TMEM131L: variants seen among roughly 807,000 people sequenced by gnomAD.
TMEM131L encodes the protein transmembrane protein 131-like.
TMEM131L carries 54 observed loss-of-function variants against 192.2 expected under a neutral mutation model. The observed-to-expected ratio is 0.28, with a 90% confidence interval of 0.23 to 0.35. TMEM131L has a LOEUF of 0.35. Ranked by LOEUF, TMEM131L falls within the 10% of genes least tolerant of loss-of-function variation. The pLI, the probability that TMEM131L is intolerant of heterozygous loss-of-function variation, is 1.00. For missense variants in TMEM131L, 1,888 were observed against 1,972.9 expected, an observed-to-expected ratio of 0.96 and a Z score of 0.82; for synonymous variants, 701 against 704.9, an observed-to-expected ratio of 0.99 and a Z score of 0.09.
chr4:153,585,485 C>A lies in TMEM131L; in HGVS notation c.1185C>A (p.Thr395=). The stretch of plus-strand genomic sequence containing the variant: ...ATTTTAGAATGGACTCTTCTGCAAC[C>A]CAGTTTCACATAGAGACTCATGAGA... ...QGYFRMDSSA[T]QFHIETHENT... is the part of the protein sequence containing the mutation. Residue 395 remains threonine, a synonymous_variant, in exon 13 of 35, where the codon ACC becomes ACA. Coordinates refer to ENST00000409959, the MANE Select transcript of TMEM131L (RefSeq NM_001131007.2). 6.2e-7 allele frequency: 1 copy of A among 1,614,020 alleles called. No individual in the cohort carries two copies. The highest frequency in any genetic ancestry group is 1.1e-5 in the South Asian group (1 of 91,068).
At chr4:153,511,652 A>G (rs762800541) in intron 3 of TMEM131L, among the ~76,000 whole-genome samples, 3 of 152,210 alleles carry the variant, frequency 2.0e-5, no homozygotes, top group Non-Finnish European at 4.4e-5. Context: ...GAAAAAATAC[A>G]AAACCTTTTT....
chr4:153,537,884 T>C (rs775356583), intron 3 of TMEM131L, among the ~76,000 whole-genome samples: 8 of 152,214 alleles, frequency 5.3e-5, no homozygotes, highest in African/African-American at 1.7e-4. Context: ...TGCTGTGTTA[T>C]ATCTGATGGA....
chr4:153,557,416 G>A (rs562922375), intron 6 of TMEM131L, among the ~76,000 whole-genome samples: 2 of 152,312 alleles, frequency 1.3e-5, no homozygotes, highest in Admixed American at 6.5e-5. Context: ...GCGTTCAGAA[G>A]GAGGTGCTCT....
chr4:153,543,258 T>C (rs1736928424), intron 3 of TMEM131L, among the ~76,000 whole-genome samples: 1 of 152,244 alleles, frequency 6.6e-6, no homozygotes, highest in Admixed American at 6.5e-5. Context: ...AGTAGTTAAT[T>C]GACTGGTAAG....
At chr4:153,483,161 G>A (rs911622307) in intron 3 of TMEM131L, among the ~76,000 whole-genome samples, 9 of 152,142 alleles carry the variant, frequency 5.9e-5, no homozygotes, top group Non-Finnish European at 1.3e-4. Flanking sequence ...GATATTATAC[G>A]TAAATGTAGT....
At chr4:153,620,076 A>C (rs1166762894) in intron 26 of TMEM131L, among the ~76,000 whole-genome samples, 8 of 152,214 alleles carry the variant, frequency 5.3e-5, no homozygotes, top group African/African-American at 1.9e-4. Flanking sequence ...GACTTGAGCT[A>C]CTTCATAGTT....
chr4:153,480,428 GAGA>G (rs1328015140), intron 3 of TMEM131L, among the ~76,000 whole-genome samples: 4 of 149,264 alleles, frequency 2.7e-5, no homozygotes, highest in African/African-American at 7.4e-5. Flanking sequence ...GCTGAGGCAG[GAGA>G]AGTGCTTGAA....
At chr4:153,546,027 C>T (rs930231891) in intron 3 of TMEM131L, among the ~76,000 whole-genome samples, 18 of 151,952 alleles carry the variant, frequency 1.2e-4, no homozygotes, top group African/African-American at 4.4e-4. Context: ...GGACTACCAG[C>T]GTGTGCCACT....
At chr4:153,597,464 A>G (rs1305741623) in intron 20 of TMEM131L, among the ~76,000 whole-genome samples, 1 of 152,178 alleles carries the variant, frequency 6.6e-6, no homozygotes, top group East Asian at 1.9e-4. Flanking sequence ...TCAGTCATCT[A>G]TTGCCCCAGC....
In TMEM131L at chr4:153,602,523, A is replaced by T. The variant is rs372317244; in HGVS notation, c.2454-19A>T. 6.2e-7 allele frequency: 1 copy of T among 1,610,888 alleles called. No individual in the cohort carries two copies. The highest frequency in any genetic ancestry group is 8.5e-7 in the Non-Finnish European group (1 of 1,177,606). ...TCAAAACAATTAAAAGTTCATAAAGATGACTCTTTTATTTTCAGGTTCACT... is the reference window on the plus strand; with the variant it reads ...TCAAAACAATTAAAAGTTCATAAAGTTGACTCTTTTATTTTCAGGTTCACT... On this transcript the variant is annotated intron_variant, in intron 22 of 34. Coordinates refer to ENST00000409959, the MANE Select transcript of TMEM131L (RefSeq NM_001131007.2).
intron 26 of TMEM131L, among the ~76,000 whole-genome samples, chr4:153,615,376 A>G (rs1732905920): frequency 6.6e-6 from 1 of 152,204 alleles, no homozygotes; most frequent in Admixed American, 6.5e-5. Flanking sequence ...AGCTTCGGCA[A>G]CAAGTTAGGC....
intron 13 of TMEM131L, 41 bp from the exon 14 acceptor site, chr4:153,586,168 G>C: frequency 7.2e-7 from 1 of 1,381,558 alleles, no homozygotes; most frequent in South Asian, 1.4e-5. Flanking sequence ...ATCATAATTA[G>C]TGTTAGGAAA....
chr4:153,555,824 T>A lies in TMEM131L; in HGVS notation c.346T>A (p.Tyr116Asn), dbSNP rs1001436480. The change falls in exon 5 of 35, where the codon TAC becomes AAC. Residue 116 changes from tyrosine to asparagine, a missense_variant. By Grantham distance (143) the Tyr-to-Asn change is moderately radical. Transcript: ENST00000409959. The surrounding 1 kb of genome is among the most constrained non-coding windows in gnomAD (Gnocchi z 4.1). ...TCCTGTAGCAAAGATTCTCCATGCT[T>A]ACAACCCTAGTAGGGACAGCGAGGT... ...GHPVAKILHA[Y>N]NPSRDSEVVV... is the part of the protein sequence containing the mutation. The A allele has an allele frequency of 5.8e-6, 9 of 1,551,628 alleles. No individual in the cohort carries two copies. The highest frequency in any genetic ancestry group is 7.8e-6 in the Non-Finnish European group (9 of 1,146,786).
intron 26 of TMEM131L, among the ~76,000 whole-genome samples, chr4:153,612,813 A>G (rs1308197502): frequency 6.6e-6 from 1 of 152,170 alleles, no homozygotes. Flanking sequence ...AAAAGGATTC[A>G]TGATATAATA....
At chr4:153,608,230 A>G (rs1265796689) in intron 25 of TMEM131L, among the ~76,000 whole-genome samples, 1 of 152,234 alleles carries the variant, frequency 6.6e-6, no homozygotes, top group Non-Finnish European at 1.5e-5. Flanking sequence ...AAAATTCTCA[A>G]TAGAAATAAA....
At chr4:153,602,755 C>T in intron 23 of TMEM131L, 28 bp downstream of exon 23, 2 of 1,606,238 alleles carry the variant, frequency 1.2e-6, no homozygotes, top group African/African-American at 2.7e-5. Flanking sequence ...CCCTTGTTCT[C>T]TCACTGAGTA....
Position 153,596,377 on chromosome 4 carries a change from A to C in TMEM131L, c.2115A>C (p.Ile705=). 6.2e-6 allele frequency: 10 copies of C among 1,613,638 alleles called. No individual in the cohort carries two copies. The highest frequency in any genetic ancestry group is 8.5e-6 in the Non-Finnish European group (10 of 1,179,626). ...ACTATGGAAAAGTTACCTCACTCAT[A>C]CTAATCCGGTAGGTGTGTTCCTGTT... ...PADYGKVTSL[I]LIRNNLTVID... The change falls in exon 20 of 35, where the codon ATA becomes ATC. Residue 705 remains isoleucine (I), a synonymous_variant. Coordinates refer to ENST00000409959, the MANE Select transcript of TMEM131L (RefSeq NM_001131007.2).
intron 3 of TMEM131L, among the ~76,000 whole-genome samples, chr4:153,478,133 T>G (rs1580016901): frequency 6.6e-6 from 1 of 152,356 alleles, no homozygotes; most frequent in East Asian, 1.9e-4. Flanking sequence ...CCTCTTTGTT[T>G]CTTTTGGCTT....
intron 3 of TMEM131L, among the ~76,000 whole-genome samples, chr4:153,494,241 G>A (rs1044894182): frequency 1.3e-5 from 2 of 152,162 alleles, no homozygotes; most frequent in African/African-American, 4.8e-5. Flanking sequence ...GTGCTTTAGC[G>A]AAATTCCATT....
Sources: gnomAD v4.1 joint callset for allele counts (sites outside exome capture counted in the v4.1 genomes callset) on GRCh38, gnomAD v4.1.1 for gene constraint, Gnocchi (gnomAD v3.1) non-coding constraint, MANE v1.5 for transcripts, NCBI Gene and HGNC (gene_info 2026-07-23, HGNC 2026-07-21) for gene names.